Variants in FBN1 observed in about 807,000 individuals in gnomAD.
The protein encoded by FBN1 is fibrillin 1.
Under a neutral mutation model 365.1 loss-of-function variants are expected in FBN1, and 29 were observed. The ratio of observed to expected loss-of-function variants is 0.08; its 90% CI spans 0.06 to 0.11. FBN1 has a LOEUF of 0.11. Among genes scored for constraint, FBN1 ranks in the 10% least tolerant of loss-of-function variants. The pLI, the probability that FBN1 is intolerant of heterozygous loss-of-function variation, is 1.00. For missense variants in FBN1, 2,476 were observed against 3,703.2 expected (o/e 0.67, Z 8.60); for synonymous variants, 1,210 against 1,270.5 (o/e 0.95, Z 1.01).
chr15:48,617,511 G>C (rs1391997232), intron 2 of FBN1, among the ~76,000 whole-genome samples: 1 of 152,126 alleles, frequency 6.6e-6, no homozygotes, highest in Non-Finnish European at 1.5e-5. Flanking sequence ...ATAGTTTATA[G>C]GGGAAAGAGG....
intron 47 of FBN1, 68 bp from the exon 48 acceptor site, chr15:48,445,572 A>AT: frequency 6.4e-7 from 1 of 1,554,510 alleles, no homozygotes; most frequent in Non-Finnish European, 8.9e-7. Context: ...AATAATCAAA[A>AT]CTTCTAAAAG....
chr15:48,578,749 C>T (rs1460329302), intron 6 of FBN1, among the ~76,000 whole-genome samples: 5 of 147,558 alleles, frequency 3.4e-5, no homozygotes, highest in African/African-American at 7.5e-5. Flanking sequence ...AGTAAACTAT[C>T]GCAAGAACAA....
Position 48,441,774 on chromosome 15 carries a change from T to G in FBN1, c.6110A>C (p.Lys2037Thr), listed in dbSNP as rs556131403. The G allele has an allele frequency of 4.3e-6, 7 of 1,613,772 alleles. No homozygotes were observed. In the South Asian group the frequency reaches 7.7e-5, roughly 18 times the overall value. ...GTCSNTEGSFKCLCPEGFSLS... is the reference protein window; with the variant it reads ...GTCSNTEGSFTCLCPEGFSLS... ...GGAAAACCCTTCTGGACACAGACAT[T>G]TGAAGCTGCCTTCAGTGTTACTGCA... The change falls in exon 50 of 66, where the codon AAA becomes ACA. Residue 2037 changes from lysine (K) to threonine (T), a missense_variant. By Grantham distance (78) the Lys-to-Thr change is moderately conservative. Around this residue, in one of 5 missense-constraint regions of FBN1, gnomAD observed 1,780 missense variants for 2,840.8 expected, o/e 0.63. Transcript: ENST00000316623.
At chr15:48,485,587 C>T (rs1324817382) in intron 29 of FBN1, 91 bp from the exon 30 acceptor site, 3 of 1,422,514 alleles carry the variant, frequency 2.1e-6, no homozygotes, top group African/African-American at 1.4e-5. Flanking sequence ...GCCATTGTAA[C>T]ACTATTTAAG....
chr15:48,442,650 C>T (rs1291817074), intron 49 of FBN1, among the ~76,000 whole-genome samples: 1 of 152,046 alleles, frequency 6.6e-6, no homozygotes, highest in African/African-American at 2.4e-5. Context: ...CTGGGGGAGC[C>T]CCAGCTCATG....
chr15:48,486,381 A>G (rs1295709574), intron 29 of FBN1, among the ~76,000 whole-genome samples: 1 of 152,148 alleles, frequency 6.6e-6, no homozygotes, highest in Admixed American at 6.5e-5. Context: ...TACACCCCAA[A>G]CCAGGCAAAA....
At position 48,437,850 on chromosome 15, in the gene FBN1, A is replaced by G. The variant is rs2043085335; in HGVS notation, c.6231T>C (p.Asn2077=). The G allele has an allele frequency of 6.2e-7, 1 of 1,613,692 alleles. No individual in the cohort carries two copies. The highest frequency in any genetic ancestry group is 1.3e-5 in the African/African-American group (1 of 74,864). Reference sequence around the variant, plus strand: ...CACAGCAGCATTCCTGCTTGGAGTGATTTCTGGATTTGGGTGATGAACACT... The same window carrying G: ...CACAGCAGCATTCCTGCTTGGAGTGGTTTCTGGATTTGGGTGATGAACACT... ...GGKCSSPKSR[N]HSKQECCCAL... Residue 2077 remains asparagine (N), a synonymous_variant, in exon 51 of 66, where the codon AAT becomes AAC. Coordinates refer to ENST00000316623, the MANE Select transcript of FBN1 (RefSeq NM_000138.5).
intron 22 of FBN1, 106 bp from the exon 23 acceptor site, chr15:48,494,360 A>G: frequency 1.2e-6 from 1 of 836,332 alleles, no homozygotes; most frequent in Non-Finnish European, 2.0e-6. Context: ...GACCTGGAAC[A>G]TGAAGTAGAT....
At chr15:48,464,174 T>G (rs1239600022) in intron 40 of FBN1, among the ~76,000 whole-genome samples, 153 bp from the exon 41 acceptor site, 1 of 152,218 alleles carries the variant, frequency 6.6e-6, no homozygotes, top group Non-Finnish European at 1.5e-5. Flanking sequence ...CCGTGTCCTC[T>G]CTCTGTGTAA....
rs531722327 is a variant in FBN1, at chr15:48,594,048, G to T, written c.538+2235C>A. On this transcript the variant is annotated intron_variant, in intron 6 of 65. Coordinates refer to ENST00000316623, the MANE Select transcript of FBN1 (RefSeq NM_000138.5). ...ATGGATCTGTCCTGACTCGGTATCA[G>T]ATTTTTATTCATCACTCTTGAAATC... Among the ~76,000 whole-genome samples, 5 of 152,276 alleles carry T rather than the reference G, an allele frequency of 3.3e-5. No homozygotes were observed. The South Asian group carries it at 1.0e-3, about 32-fold the overall frequency.
chr15:48,644,413 G>C, intron 2 of FBN1, 193 bp downstream of exon 2: 1 of 738,866 alleles, frequency 1.4e-6, no homozygotes, highest in Non-Finnish European at 2.3e-6. Flanking sequence ...TCTCCTTTGG[G>C]GCAGAAATCT....
chr15:48,442,747 T>C (rs1387068478), intron 49 of FBN1, among the ~76,000 whole-genome samples: 1 of 152,196 alleles, frequency 6.6e-6, no homozygotes, highest in Non-Finnish European at 1.5e-5. Flanking sequence ...CGATTACCTA[T>C]GGAAAAATAT....
chr15:48,631,024 T>A (rs1296525746), intron 2 of FBN1, among the ~76,000 whole-genome samples: 1 of 152,186 alleles, frequency 6.6e-6, no homozygotes, highest in East Asian at 1.9e-4. Context: ...TAACCAGAGC[T>A]GGCATGTAGG....
chr15:48,481,488 C>T (rs1183715116), intron 32 of FBN1, among the ~76,000 whole-genome samples, 167 bp downstream of exon 32: 2 of 151,900 alleles, frequency 1.3e-5, no homozygotes, highest in Admixed American at 6.6e-5. Context: ...CCAATATAAA[C>T]GATGACAAAT....
Position 48,456,760 on chromosome 15 carries a change from T to C in FBN1, c.5299A>G (p.Ile1767Val). 2 of 1,613,300 alleles carry C rather than the reference T, an allele frequency of 1.2e-6. No individual in the cohort carries two copies. The highest frequency in any genetic ancestry group is 1.7e-6 in the Non-Finnish European group (2 of 1,179,628). ...CCTGGGATCTCCCGGCACTCATCAA[T>C]ATCTAGAGACAGAGTAGTCATTCAT... ...IDIYTGLPVD[I>V]DECREIPGVC... The change falls in exon 44 of 66, where the codon ATT (isoleucine) becomes GTT (valine). Residue 1767 changes from isoleucine to valine, a missense_variant and splice_region_variant. Physicochemically the swap from Ile to Val is conservative, Grantham distance 29. This residue lies in a region of FBN1 where 1,780 missense variants were observed against 2,840.8 expected (regional missense o/e 0.63). Transcript: ENST00000316623.
At chr15:48,574,303 T>C (rs998196212) in intron 6 of FBN1, among the ~76,000 whole-genome samples, 1 of 152,224 alleles carries the variant, frequency 6.6e-6, no homozygotes, top group African/African-American at 2.4e-5. Flanking sequence ...GAATGGCTAA[T>C]GGAAGCTTTC....
At chr15:48,428,258 T>G in intron 57 of FBN1, 88 bp downstream of exon 57, 1 of 1,512,156 alleles carries the variant, frequency 6.6e-7, no homozygotes, top group Non-Finnish European at 9.1e-7. Flanking sequence ...ATTTTGACAT[T>G]TTCTTGTATT....
At chr15:48,496,359 T>C in intron 19 of FBN1, 134 bp from the exon 20 acceptor site, 1 of 1,076,628 alleles carries the variant, frequency 9.3e-7, no homozygotes, top group Non-Finnish European at 1.4e-6. Flanking sequence ...TCCTGTAGCA[T>C]TAGCTTTTAC....
chr15:48,517,459 A>G (rs1435903167), intron 10 of FBN1, among the ~76,000 whole-genome samples: 1 of 152,230 alleles, frequency 6.6e-6, no homozygotes, highest in Admixed American at 6.5e-5. Context: ...AATGCTGCAT[A>G]GTGACCCTCT....
Sources: allele counts gnomAD v4.1 joint callset (sites outside exome capture counted in the v4.1 genomes callset), GRCh38; gene constraint gnomAD v4.1.1; regional missense constraint gnomAD v4.1.1; transcripts MANE v1.5; gene names NCBI Gene and HGNC (gene_info 2026-07-23, HGNC 2026-07-21).